PPARA: variants seen among roughly 807,000 people sequenced by gnomAD.
The protein encoded by PPARA is peroxisome proliferator activated receptor alpha.
A neutral mutation model predicts 42.2 loss-of-function variants in PPARA; 22 were observed. The observed-to-expected ratio is 0.52, with a 90% CI of 0.37 to 0.74. The LOEUF is 0.74. Among genes scored for constraint, PPARA ranks in the 30% least tolerant of loss-of-function variants. The pLI is 0.00. For synonymous variants in PPARA, 242 were observed against 239.3 expected (o/e 1.01, Z -0.10); for missense variants, 465 against 608.2 (o/e 0.76, Z 2.48).
chr22:46,155,945 C>T (rs933280622), intron 2 of PPARA: 2 of 152,208 alleles, frequency 1.3e-5, no homozygotes, highest in African/African-American at 2.4e-5. Flanking sequence ...CGGATTTGCT[C>T]GTTACTCAGA....
rs1338626461 is a variant in PPARA at position 46,183,322 on chromosome 22, ATAC to A, written c.-43+6490_-43+6492del. Among the ~76,000 whole-genome samples, 9 of 152,250 alleles carry A rather than the reference ATAC, an allele frequency of 5.9e-5. No homozygotes were observed. The highest frequency in any genetic ancestry group is 2.0e-4 in the Admixed American group (3 of 15,288). On this transcript the variant is annotated intron_variant, in intron 3 of 8. Coordinates refer to ENST00000407236, the MANE Select transcript of PPARA (RefSeq NM_005036.6). This position sits in a 1 kb window ranked among gnomAD's most constrained non-coding sequence, Gnocchi z 5.5. ...TTTGTTTTAAAAACACATTAGAATAATACTACATTTTCCCTCATCTCTAAACTT... is the reference window on the plus strand; with the variant it reads ...TTTGTTTTAAAAACACATTAGAATAATACATTTTCCCTCATCTCTAAACTT...
rs929559221 is a variant in PPARA at position 46,225,819 on chromosome 22, A to C, written c.711+5805A>C. 2.6e-5 allele frequency among the ~76,000 whole-genome samples: 4 copies of C among 151,578 alleles called. No homozygotes were observed. The highest frequency in any genetic ancestry group is 2.6e-4 in the Admixed American group (4 of 15,228). The stretch of plus-strand genomic sequence containing the variant: ...CACATACACGTGCACCCACACATGC[A>C]CACAGACGCACCTCCACCCCCACAC... On this transcript the variant is annotated intron_variant, in intron 7 of 8. Transcript: ENST00000407236. This position sits in a 1 kb window ranked among gnomAD's most constrained non-coding sequence, Gnocchi z 4.1.
Position 46,216,935 on chromosome 22 carries a change from A to G in PPARA, c.370-1328A>G, listed in dbSNP as rs921190091. 2.0e-5 allele frequency among the ~76,000 whole-genome samples: 3 copies of G among 152,178 alleles called. No homozygotes were observed. The highest frequency in any genetic ancestry group is 6.5e-5 in the Admixed American group (1 of 15,276). On this transcript the variant is annotated intron_variant, in intron 5 of 8. Coordinates refer to ENST00000407236, the MANE Select transcript of PPARA (RefSeq NM_005036.6). This position sits in a 1 kb window ranked among gnomAD's most constrained non-coding sequence, Gnocchi z 4.5. ...TCTGAATGTTTGGTTTGAATCAGAA[A>G]TCCCTTCTCACGGTGCACGCTGCAG...
intron 3 of PPARA, among the ~76,000 whole-genome samples, chr22:46,197,996 C>T (rs1932490455): frequency 6.6e-6 from 1 of 151,690 alleles, no homozygotes. Context: ...CTTTGCGAGG[C>T]TGAGGCGAGC....
chr22:46,181,767 C>G (rs913727351), intron 3 of PPARA, among the ~76,000 whole-genome samples: 1 of 152,182 alleles, frequency 6.6e-6, no homozygotes, highest in African/African-American at 2.4e-5. Context: ...TGGATGATCA[C>G]AGTCTAGACA....
Position 46,184,362 on chromosome 22 carries a change from T to C in PPARA, c.-43+7526T>C, listed in dbSNP as rs1930369355. ...AATAGGAGAGAAGTACCAAGTACCA[T>C]GGGGAGACAGAGTCCAGAATCTCAG... On this transcript the variant is annotated intron_variant, in intron 3 of 8. Transcript: ENST00000407236. This position sits in a 1 kb window ranked among gnomAD's most constrained non-coding sequence, Gnocchi z 4.4. 6.6e-6 allele frequency among the ~76,000 whole-genome samples: 1 copy of C among 152,170 alleles called. No individual in the cohort carries two copies. The highest frequency in any genetic ancestry group is 6.5e-5 in the Admixed American group (1 of 15,278).
chr22:46,206,283 TG>T (rs1933297640), intron 4 of PPARA, among the ~76,000 whole-genome samples: 1 of 152,020 alleles, frequency 6.6e-6, no homozygotes, highest in African/African-American at 2.4e-5. Context: ...TGTGTGTGTG[TG>T]TGTGTGTATT....
At chr22:46,158,456 C>T (rs8139731) in intron 2 of PPARA, among the ~76,000 whole-genome samples, 5,577 of 152,234 alleles carry the variant, frequency 0.037, 348 homozygotes, top group African/African-American at 0.13. Context: ...GTGATAACCA[C>T]GCCAAGGTGA....
rs143043077 is a variant in PPARA at position 46,204,850 on chromosome 22, GAAAA to G, written c.208+6262_208+6265del. Reference sequence around the variant, plus strand: ...CTGATAGTATCTTAAAAAAAAAAAAGAAAAAAGATTGTTTTGTTTGTTTTGTTTT... The same window carrying G: ...CTGATAGTATCTTAAAAAAAAAAAAGAAGATTGTTTTGTTTGTTTTGTTTT... On this transcript the variant is annotated intron_variant, in intron 4 of 8. Coordinates refer to ENST00000407236, the MANE Select transcript of PPARA (RefSeq NM_005036.6). This position sits in a 1 kb window ranked among gnomAD's most constrained non-coding sequence, Gnocchi z 5.2. Among the ~76,000 whole-genome samples the G allele has an allele frequency of 1.3e-5, 2 of 150,092 alleles. No individual in the cohort carries two copies. The highest frequency in any genetic ancestry group is 3.0e-5 in the Non-Finnish European group (2 of 67,652).
rs962995965 is a variant in PPARA, at chr22:46,195,048, G to A, written c.-42-3294G>A. Among the ~76,000 whole-genome samples the A allele has an allele frequency of 6.7e-5, 10 of 149,120 alleles. No homozygotes were observed. The highest frequency in any genetic ancestry group is 1.0e-4 in the Non-Finnish European group (7 of 67,482). ...CTCCTGAGTAGCTGGGATTACAGGC[G>A]CCTACCACCACGCCCGGCTAATTTT... On this transcript the variant is annotated intron_variant, in intron 3 of 8. Transcript: ENST00000407236. The surrounding 1 kb of genome is among the most constrained non-coding windows in gnomAD (Gnocchi z 4.6).
rs1569255731 is a variant in PPARA, at chr22:46,234,827, C to A, written c.1160-306C>A. 6.6e-6 allele frequency among the ~76,000 whole-genome samples: 1 copy of A among 152,172 alleles called. No individual in the cohort carries two copies. Among genetic ancestry groups the A allele is most frequent in the Non-Finnish European group, 1.5e-5 (1 of 68,036 alleles). ...TCCTCCTACTAGCTCTAATTTTTCT[C>A]CCTGACAGGTGGTCATCAGGTAAAT... is the stretch of plus-strand genomic sequence containing the variant. On this transcript the variant is annotated intron_variant, in intron 8 of 8. Transcript: ENST00000407236. This position sits in a 1 kb window ranked among gnomAD's most constrained non-coding sequence, Gnocchi z 5.8.
intron 3 of PPARA, among the ~76,000 whole-genome samples, chr22:46,185,916 AATATATATATATATATAT>A (rs59733161): frequency 2.0e-4 from 5 of 25,310 alleles, no homozygotes; most frequent in East Asian, 1.5e-3. Flanking sequence ...AAAAAAAAAA[AATATATATATATATATAT>A]ATATATATAT....
Position 46,235,655 on chromosome 22 carries a change from G to A in PPARA, c.*275G>A, listed in dbSNP as rs934382287. On this transcript the variant is annotated 3_prime_UTR_variant, in exon 9 of 9. Transcript: ENST00000407236. The surrounding 1 kb of genome is among the most constrained non-coding windows in gnomAD (Gnocchi z 7.0). ...TCAATGGTCTGATTTTAACTCACCC[G>A]ATGTTAATCAATGCACATTGCTTTA... The A allele has an allele frequency of 8.4e-6, 4 of 474,100 alleles. No homozygotes were observed. Among genetic ancestry groups the A allele is most frequent in the Non-Finnish European group, 1.6e-5 (4 of 257,898 alleles). The allele number at this position is 474,100 out of a possible 1,614,324, so 29.4% of individuals were successfully genotyped here. A position where few individuals can be genotyped will look rare whatever the true frequency, so the allele number is the denominator to read the frequency against.
intron 3 of PPARA, among the ~76,000 whole-genome samples, chr22:46,181,194 T>C (rs997212857): frequency 2.6e-5 from 4 of 152,136 alleles, no homozygotes; most frequent in Non-Finnish European, 4.4e-5. Context: ...AAGAGTGGCT[T>C]CCTGCCTTGA....
At position 46,160,739 on chromosome 22, in the gene PPARA, T is replaced by C. The variant is rs1348311212; in HGVS notation, c.-127+8769T>C. On this transcript the variant is annotated intron_variant, in intron 2 of 8. Coordinates refer to ENST00000407236, the MANE Select transcript of PPARA (RefSeq NM_005036.6). This position sits in a 1 kb window ranked among gnomAD's most constrained non-coding sequence, Gnocchi z 4.5. ...CCTCAGCCTCCTGAGCAGCTGGGAC[T>C]ACAGGTGCACACCACCACACCCAAC... 3.3e-5 allele frequency among the ~76,000 whole-genome samples: 5 copies of C among 152,208 alleles called. No individual in the cohort carries two copies. The highest frequency in any genetic ancestry group is 5.9e-5 in the Non-Finnish European group (4 of 68,040).
rs1926480212 is a variant in PPARA at position 46,163,154 on chromosome 22, G to A, written c.-127+11184G>A. 6.6e-6 allele frequency: 1 copy of A among 152,238 alleles called. No homozygotes were observed. The highest frequency in any genetic ancestry group is 6.5e-5 in the Admixed American group (1 of 15,286). 9.4% of individuals were successfully genotyped at this position (152,238 alleles called of 1,614,324 possible). Reference sequence around the variant, plus strand: ...GTGTGTGCAGCACCTGCCAGTGAACGGAATGTGCGGCTCCAGATGTCGTTG... The same window carrying A: ...GTGTGTGCAGCACCTGCCAGTGAACAGAATGTGCGGCTCCAGATGTCGTTG... On this transcript the variant is annotated intron_variant, in intron 2 of 8. Transcript: ENST00000407236. The surrounding 1 kb of genome is among the most constrained non-coding windows in gnomAD (Gnocchi z 4.9).
Position 46,221,254 on chromosome 22 carries a change from G to A in PPARA, c.711+1240G>A, listed in dbSNP as rs1189670849. On this transcript the variant is annotated intron_variant, in intron 7 of 8. Coordinates refer to ENST00000407236, the MANE Select transcript of PPARA (RefSeq NM_005036.6). This position sits in a 1 kb window ranked among gnomAD's most constrained non-coding sequence, Gnocchi z 5.9. ...GGATGGTGCTAAACCATTCATGAAGGATCACCCCCATGATCCAGTCCCTCC... is the reference window on the plus strand; with the variant it reads ...GGATGGTGCTAAACCATTCATGAAGAATCACCCCCATGATCCAGTCCCTCC... 6.6e-6 allele frequency among the ~76,000 whole-genome samples: 1 copy of A among 152,036 alleles called. No individual in the cohort carries two copies. Among genetic ancestry groups the A allele is most frequent in the Non-Finnish European group, 1.5e-5 (1 of 68,020 alleles).
intron 2 of PPARA, among the ~76,000 whole-genome samples, chr22:46,152,428 T>C (rs572069800): frequency 1.4e-4 from 22 of 152,276 alleles, no homozygotes; most frequent in Admixed American, 4.6e-4. Flanking sequence ...CCACCGTGCC[T>C]GGCCTAGGAT....
At chr22:46,206,170 C>T (rs1366754515) in intron 4 of PPARA, among the ~76,000 whole-genome samples, 2 of 152,078 alleles carry the variant, frequency 1.3e-5, no homozygotes, top group East Asian at 1.9e-4. Flanking sequence ...GGCGCTATCT[C>T]GGCTCACTGC....
Sources: allele counts gnomAD v4.1 joint callset (sites outside exome capture counted in the v4.1 genomes callset), GRCh38; gene constraint gnomAD v4.1.1; non-coding constraint Gnocchi (gnomAD v3.1); transcripts MANE v1.5; gene names NCBI Gene and HGNC (gene_info 2026-07-23, HGNC 2026-07-21).